Variants in IQCK observed in about 807,000 individuals in gnomAD.
The protein encoded by IQCK is IQ domain-containing protein K.
IQCK carries 29 observed loss-of-function variants against 28.1 expected under a neutral mutation model. The ratio of observed to expected loss-of-function variants is 1.03; its 90% CI spans 0.77 to 1.41. The LOEUF (loss-of-function observed/expected upper bound fraction) is 1.41. IQCK is among the 40% of genes most tolerant of loss of function. IQCK has a pLI of 0.00. For missense variants in IQCK, 359 were observed against 314.7 expected, an observed-to-expected ratio of 1.14 and a Z score of -1.07; for synonymous variants, 113 against 115.1, an observed-to-expected ratio of 0.98 and a Z score of 0.12.
At chr16:19,801,833 A>T (rs9940297) in intron 7 of IQCK, among the ~76,000 whole-genome samples, 2,733 of 142,466 alleles carry the variant, frequency 0.019, 333 homozygotes, top group African/African-American at 0.076. Flanking sequence ...CTGAAAAACC[A>T]CTCCTTTCTA....
intron 7 of IQCK, among the ~76,000 whole-genome samples, chr16:19,807,499 C>A (rs1207671350): frequency 1.3e-5 from 2 of 152,192 alleles, no homozygotes; most frequent in Non-Finnish European, 2.9e-5. Flanking sequence ...AAATTATGGT[C>A]CAAGAACCAG....
chr16:19,722,250 G>T (rs1406704611), intron 1 of IQCK, among the ~76,000 whole-genome samples: 1 of 152,178 alleles, frequency 6.6e-6, no homozygotes, highest in African/African-American at 2.4e-5. Flanking sequence ...GCAGTCAGGA[G>T]TGGGGAGGGA....
intron 9 of IQCK, among the ~76,000 whole-genome samples, chr16:19,849,411 A>G (rs907742250): frequency 1.3e-5 from 2 of 152,108 alleles, no homozygotes; most frequent in Non-Finnish European, 2.9e-5. Flanking sequence ...AATGTGGAAT[A>G]GGAGTCACTT....
intron 6 of IQCK, among the ~76,000 whole-genome samples, chr16:19,764,491 A>G (rs576625854): frequency 2.0e-5 from 3 of 152,264 alleles, no homozygotes; most frequent in South Asian, 2.1e-4. Context: ...ACCTGCATCA[A>G]TTCTCCATTT....
intron 6 of IQCK, among the ~76,000 whole-genome samples, chr16:19,775,298 C>T (rs921420447): frequency 1.3e-5 from 2 of 151,692 alleles, no homozygotes; most frequent in Non-Finnish European, 2.9e-5. Flanking sequence ...AGAGGTAACG[C>T]ATAAAATAGG....
chr16:19,760,596 A>G (rs1055570797), intron 4 of IQCK, among the ~76,000 whole-genome samples: 3 of 152,190 alleles, frequency 2.0e-5, no homozygotes, highest in Admixed American at 1.3e-4. Flanking sequence ...GGGTGATACA[A>G]TTCAACCCTT....
At chr16:19,720,498 G>A (rs544011112) in intron 1 of IQCK, among the ~76,000 whole-genome samples, 7 of 152,320 alleles carry the variant, frequency 4.6e-5, no homozygotes, top group African/African-American at 1.7e-4. Flanking sequence ...GGGCTGTTGT[G>A]GGGACCAAGT....
chr16:19,749,945 A>T (rs755195703), intron 4 of IQCK, among the ~76,000 whole-genome samples: 2 of 152,094 alleles, frequency 1.3e-5, no homozygotes, highest in Non-Finnish European at 2.9e-5. Flanking sequence ...AAGCTTAATG[A>T]TTTAGAATAG....
chr16:19,840,198 A>G (rs2056349024), intron 9 of IQCK, among the ~76,000 whole-genome samples: 1 of 152,156 alleles, frequency 6.6e-6, no homozygotes, highest in African/African-American at 2.4e-5. Context: ...TCTACTAAAA[A>G]TACAAAAATT....
intron 1 of IQCK, among the ~76,000 whole-genome samples, chr16:19,724,303 A>G (rs62024966): frequency 0.051 from 7,821 of 152,120 alleles, 488 homozygotes; most frequent in South Asian, 0.24. Flanking sequence ...AGCCCTCTAC[A>G]GCAATACTTT....
In IQCK at chr16:19,836,392, A is replaced by G. The variant is rs574487910; in HGVS notation, c.802+9255A>G. On this transcript the variant is annotated intron_variant, in intron 9 of 9. Coordinates refer to the IQCK transcript ENST00000320394. ...ACATATCTTTTCATTTAAAATTTGC[A>G]AAAGTCTGCACAGCTATGACATGAC... 2.6e-5 allele frequency among the ~76,000 whole-genome samples: 4 copies of G among 152,332 alleles called. 1 individual carries two copies. Among genetic ancestry groups the G allele is most frequent in the Admixed American group, 2.6e-4 (4 of 15,306 alleles).
chr16:19,756,236 G>A (rs996980167), intron 4 of IQCK, among the ~76,000 whole-genome samples: 1 of 152,150 alleles, frequency 6.6e-6, no homozygotes, highest in Non-Finnish European at 1.5e-5. Flanking sequence ...ATAAGAGCTG[G>A]TGATATTTGA....
chr16:19,735,697 C>G, intron 4 of IQCK: 2 of 479,980 alleles, frequency 4.2e-6, no homozygotes, highest in Non-Finnish European at 3.8e-6. Context: ...TCCTGCCTGC[C>G]CTTCTCCTGT....
chr16:19,748,451 C>G (rs1283891837), intron 4 of IQCK, among the ~76,000 whole-genome samples: 1 of 152,158 alleles, frequency 6.6e-6, no homozygotes, highest in African/African-American at 2.4e-5. Context: ...ATTTTCTGAT[C>G]TGTAAAATAT....
chr16:19,774,607 G>T (rs1472815092), intron 6 of IQCK, among the ~76,000 whole-genome samples: 2 of 151,888 alleles, frequency 1.3e-5, no homozygotes, highest in Admixed American at 6.6e-5. Flanking sequence ...CAAGTAATCC[G>T]CCCTCCTTGG....
chr16:19,835,961 G>A (rs1292597479), intron 9 of IQCK, among the ~76,000 whole-genome samples: 1 of 152,108 alleles, frequency 6.6e-6, no homozygotes, highest in Non-Finnish European at 1.5e-5. Context: ...ATTAAATTTA[G>A]ACAGTGATCA....
chr16:19,723,678 G>T (rs1977566180), intron 1 of IQCK, among the ~76,000 whole-genome samples: 1 of 152,090 alleles, frequency 6.6e-6, no homozygotes, highest in South Asian at 2.1e-4. Flanking sequence ...TCCTGGCCGG[G>T]CGTGGTAGCT....
At chr16:19,740,893 G>A (rs1271157143) in intron 4 of IQCK, among the ~76,000 whole-genome samples, 1 of 151,322 alleles carries the variant, frequency 6.6e-6, no homozygotes, top group African/African-American at 2.4e-5. Context: ...GCTTGAATCC[G>A]AGAGGCAGAG....
intron 7 of IQCK, among the ~76,000 whole-genome samples, chr16:19,809,576 C>T (rs931116480): frequency 1.3e-5 from 2 of 152,228 alleles, no homozygotes; most frequent in Non-Finnish European, 2.9e-5. Context: ...CAACACAGCA[C>T]TTCAGTTACT....
Sources: allele counts gnomAD v4.1 joint callset (sites outside exome capture counted in the v4.1 genomes callset), GRCh38; gene constraint gnomAD v4.1.1; transcripts MANE v1.5; gene names NCBI Gene and HGNC (gene_info 2026-07-23, HGNC 2026-07-21).